Variants in ANK2 observed in about 807,000 individuals in gnomAD.
ANK2 encodes the protein ankyrin-2.
A neutral mutation model predicts 360.5 loss-of-function variants in ANK2; 83 were observed. The observed-to-expected ratio is 0.23, with a 90% CI of 0.19 to 0.28. The LOEUF is 0.28. ANK2 is among the 10% of genes least tolerant of loss of function. The pLI, the probability that ANK2 is intolerant of heterozygous loss-of-function variation, is 1.00. For synonymous variants in ANK2, 1,740 were observed against 1,759.5 expected, an observed-to-expected ratio of 0.99 and a Z score of 0.28; for missense variants, 4,201 against 4,795.7, an observed-to-expected ratio of 0.88 and a Z score of 3.66.
chr4:113,350,583 A>C (rs1342594605), intron 37 of ANK2: 1 of 267,900 alleles, frequency 3.7e-6, no homozygotes, highest in Non-Finnish European at 7.2e-6. Flanking sequence ...CTGTCATCTC[A>C]TCATTTTTTA....
rs116497564 is a variant in ANK2, at chr4:113,236,521, G to A, written c.484-466G>A. Among the ~76,000 whole-genome samples the A allele has an allele frequency of 3.4e-3, 523 of 152,268 alleles. 4 individuals are homozygous for A. Among genetic ancestry groups the A allele is most frequent in the African/African-American group, 0.012 (492 of 41,556 alleles). On this transcript the variant is annotated intron_variant, in intron 5 of 45. Coordinates refer to ENST00000357077, the MANE Select transcript of ANK2 (RefSeq NM_001148.6). ...ATAGACAACTCCATCCCCAGGGGCT[G>A]TTTTCCCTAACCATTCAGATATATT...
intron 1 of ANK2, among the ~76,000 whole-genome samples, chr4:113,169,525 G>A (rs2097866037): frequency 1.3e-5 from 2 of 152,102 alleles, no homozygotes; most frequent in South Asian, 4.1e-4. Context: ...ATTCCACAAG[G>A]AGCCTGTGCT....
At chr4:113,310,575 C>A (rs2079404064) in intron 23 of ANK2, among the ~76,000 whole-genome samples, 2 of 152,136 alleles carry the variant, frequency 1.3e-5, no homozygotes, top group Non-Finnish European at 2.9e-5. Context: ...TGCCACCACG[C>A]CCAGCTAATT....
intron 2 of ANK2, among the ~76,000 whole-genome samples, chr4:113,019,832 C>T (rs571847038): frequency 1.0e-3 from 151 of 150,736 alleles, no homozygotes; most frequent in Non-Finnish European, 1.6e-3. Flanking sequence ...GTATGTATTT[C>T]TAAATAATCT....
Position 113,330,559 on chromosome 4 carries a change from G to A in ANK2, c.3125+89G>A, listed in dbSNP as rs548408826. The A allele has an allele frequency of 4.2e-4, 572 of 1,352,830 alleles. 4 individuals carry two copies. In the South Asian group the frequency reaches 5.4e-3, roughly 13 times the overall value. The allele number at this position is 1,352,830 out of a possible 1,614,324, so 83.8% of individuals were successfully genotyped here. ...ACTAGGATGGAATGGAAAAAGGTAC[G>A]TCAAACCATTTTGAAAGAGGATCAG... is the stretch of plus-strand genomic sequence containing the variant. On this transcript the variant is annotated intron_variant, in intron 27 of 45. Coordinates refer to ENST00000357077, the MANE Select transcript of ANK2 (RefSeq NM_001148.6).
At chr4:112,826,813 A>C in intron 1 of ANK2, 2 of 1,211,988 alleles carry the variant, frequency 1.7e-6, no homozygotes, top group Non-Finnish European at 2.4e-6. Context: ...TCTTCTACTC[A>C]AAAAAATAAA....
rs886653243 is a variant in ANK2 at position 113,124,969 on chromosome 4, A to T, written c.85-49447A>T. On this transcript the variant is annotated intron_variant, in intron 1 of 45. Coordinates refer to ENST00000357077, the MANE Select transcript of ANK2 (RefSeq NM_001148.6). Reference sequence around the variant, plus strand: ...GCATAGAGAGATCCCCATCTCTTTTAAAAAAAAATCAGAGATATGACAATC... The same window carrying T: ...GCATAGAGAGATCCCCATCTCTTTTTAAAAAAAATCAGAGATATGACAATC... Among the ~76,000 whole-genome samples, 11 of 151,584 alleles carry T rather than the reference A, an allele frequency of 7.3e-5. 1 individual carries two copies. The highest frequency in any genetic ancestry group is 2.6e-4 in the Admixed American group (4 of 15,206).
the ANK2 span, among the ~76,000 whole-genome samples, chr4:112,706,033 G>C: frequency 6.6e-6 from 1 of 151,274 alleles, no homozygotes; most frequent in Non-Finnish European, 1.5e-5. Flanking sequence ...CGCGGGGCGC[G>C]GCGGCTGCGG....
Position 113,222,790 on chromosome 4 carries a change from A to C in ANK2, c.385-9371A>C, listed in dbSNP as rs145961690. Among the ~76,000 whole-genome samples, 775 of 152,364 alleles carry C rather than the reference A, an allele frequency of 5.1e-3. 3 individuals are homozygous for C. Among genetic ancestry groups the C allele is most frequent in the Non-Finnish European group, 9.7e-3 (657 of 68,038 alleles). On this transcript the variant is annotated intron_variant, in intron 4 of 45. Transcript: ENST00000357077. ...TCATTTTAATGTCATTGGATAGTTTAACTATGAACTAATCTTTTAATCATC... is the reference window on the plus strand; with the variant it reads ...TCATTTTAATGTCATTGGATAGTTTCACTATGAACTAATCTTTTAATCATC...
intron 1 of ANK2, among the ~76,000 whole-genome samples, chr4:113,080,997 G>C (rs1286133237): frequency 2.0e-5 from 3 of 151,898 alleles, no homozygotes; most frequent in Non-Finnish European, 4.4e-5. Flanking sequence ...ATTGTAAGAG[G>C]ATATTTTAAT....
intron 9 of ANK2, among the ~76,000 whole-genome samples, chr4:113,243,494 T>C (rs3025739): frequency 0.025 from 3,764 of 152,282 alleles, 78 homozygotes; most frequent in Non-Finnish European, 0.038. Flanking sequence ...TCTAAAACTT[T>C]TGGTCCAGAG....
At chr4:112,797,520 C>G in the ANK2 span, 1 of 172,494 alleles carries the variant, frequency 5.8e-6, no homozygotes, top group East Asian at 1.9e-4. Context: ...TTGTTTTACA[C>G]ATGAGTTTTC....
chr4:113,142,615 T>A (rs2096672815), intron 1 of ANK2, among the ~76,000 whole-genome samples: 2 of 152,066 alleles, frequency 1.3e-5, no homozygotes, highest in South Asian at 4.1e-4. Context: ...GGTTCAGGGA[T>A]CACTACATGG....
At chr4:113,111,138 A>C (rs2094248444) in intron 1 of ANK2, among the ~76,000 whole-genome samples, 1 of 152,200 alleles carries the variant, frequency 6.6e-6, no homozygotes, top group Non-Finnish European at 1.5e-5. Flanking sequence ...CACATGGCTT[A>C]AATTTAGAGT....
intron 34 of ANK2, 72 bp downstream of exon 34, chr4:113,343,214 A>AGAAAACTCTGAAGATGACTGAAAAGC: frequency 6.4e-7 from 1 of 1,555,760 alleles, no homozygotes; most frequent in Non-Finnish European, 8.8e-7. Flanking sequence ...CTTTAGTAAT[A>AGAAAACTCTGAAGATGACTGAAAAGC]GAAAATTTTC....
chr4:112,760,616 T>G, the ANK2 span, among the ~76,000 whole-genome samples: 23 of 151,794 alleles, frequency 1.5e-4, no homozygotes, highest in African/African-American at 5.1e-4. Context: ...TATGTATACA[T>G]GTGCCATGTT....
intron 1 of ANK2, among the ~76,000 whole-genome samples, chr4:113,122,844 C>A (rs1399060488): frequency 6.6e-6 from 1 of 151,798 alleles, no homozygotes; most frequent in East Asian, 1.9e-4. Flanking sequence ...GAATCATTAT[C>A]TTTAAATAAA....
At chr4:112,792,870 T>C in the ANK2 span, among the ~76,000 whole-genome samples, 2 of 152,190 alleles carry the variant, frequency 1.3e-5, no homozygotes, top group Non-Finnish European at 2.9e-5. Context: ...TTGCATGGTG[T>C]GCTATTTCTT....
intron 2 of ANK2, among the ~76,000 whole-genome samples, chr4:112,906,301 CA>C (rs2150947546): frequency 6.6e-6 from 1 of 152,168 alleles, no homozygotes; most frequent in South Asian, 2.1e-4. Context: ...AGGGAAGTTT[CA>C]GTAGAGAAGC....
Sources: allele counts gnomAD v4.1 joint callset (sites outside exome capture counted in the v4.1 genomes callset), GRCh38; gene constraint gnomAD v4.1.1; transcripts MANE v1.5; gene names NCBI Gene and HGNC (gene_info 2026-07-23, HGNC 2026-07-21).